LINGO2: variants seen among roughly 807,000 people sequenced by gnomAD.
LINGO2 encodes the protein leucine-rich repeat and immunoglobulin-like domain-containing nogo receptor-interacting protein 2.
In LINGO2, 14 loss-of-function variants were observed where a neutral mutation model predicts 30.6. The ratio of observed to expected loss-of-function variants is 0.46; its 90% CI spans 0.30 to 0.72. LINGO2 has a LOEUF of 0.72. Among genes scored for constraint, LINGO2 ranks in the 30% least tolerant of loss-of-function variants. The pLI, the probability that LINGO2 is intolerant of heterozygous loss-of-function variation, is 0.07. For synonymous variants in LINGO2, 317 were observed against 288.5 expected, an observed-to-expected ratio of 1.10 and a Z score of -1.00; for missense variants, 729 against 751.7, an observed-to-expected ratio of 0.97 and a Z score of 0.35.
At chr9:28,916,492 C>T in the LINGO2 span, among the ~76,000 whole-genome samples, 1 of 149,556 alleles carries the variant, frequency 6.7e-6, no homozygotes, top group African/African-American at 2.5e-5. Flanking sequence ...TTAGTCCAAA[C>T]ACTCCCTCCT....
At chr9:27,949,938 C>T (rs753748153) in exon 6 of LINGO2, 1 of 1,614,058 alleles carries the variant, frequency 6.2e-7, no homozygotes, top group South Asian at 1.1e-5. Flanking sequence ...ACCGTAGAGG[C>T]TATTGGCAGG....
Position 28,613,380 on chromosome 9 carries a change from G to A in LINGO2, c.-365+56820C>T, listed in dbSNP as rs186019019. Among the ~76,000 whole-genome samples, 521 of 148,516 alleles carry A rather than the reference G, an allele frequency of 3.5e-3. 1 individual carries two copies. The highest frequency in any genetic ancestry group is 0.012 in the African/African-American group (471 of 38,378). ...CAAATAGTAGAATATGTGTATATAC[G>A]TATGTGTGTGTGTGTGTATATAGCT... On this transcript the variant is annotated intron_variant, in intron 1 of 5. Transcript: ENST00000379992.
chr9:28,049,395 A>G (rs1319893491), intron 4 of LINGO2, among the ~76,000 whole-genome samples: 1 of 150,796 alleles, frequency 6.6e-6, no homozygotes, highest in East Asian at 2.0e-4. Flanking sequence ...AATTCAACAT[A>G]GCAGGTAATA....
the LINGO2 span, chr9:28,888,924 T>C: frequency 2.4e-4 from 126 of 533,706 alleles, 1 homozygote; most frequent in African/African-American, 2.7e-4. Flanking sequence ...TCATTTTCAA[T>C]AGGAGACTCA....
At chr9:29,195,345 TTGTG>T in the LINGO2 span, among the ~76,000 whole-genome samples, 9 of 150,286 alleles carry the variant, frequency 6.0e-5, no homozygotes, top group Non-Finnish European at 7.4e-5. Flanking sequence ...CACTTTAATA[TTGTG>T]TGTGTGTGTG....
the LINGO2 span, among the ~76,000 whole-genome samples, chr9:28,736,191 G>C: frequency 3.9e-5 from 6 of 152,140 alleles, no homozygotes; most frequent in Admixed American, 3.9e-4. Flanking sequence ...GCAAATTTGT[G>C]TTATAGCTTA....
chr9:28,450,075 G>A (rs1322311556), intron 2 of LINGO2, among the ~76,000 whole-genome samples: 1 of 151,912 alleles, frequency 6.6e-6, no homozygotes, highest in Non-Finnish European at 1.5e-5. Context: ...CAGTCTTGTG[G>A]ATTGAATTTC....
chr9:28,123,528 A>G (rs1827156624), intron 4 of LINGO2, among the ~76,000 whole-genome samples: 1 of 152,240 alleles, frequency 6.6e-6, no homozygotes, highest in Non-Finnish European at 1.5e-5. Flanking sequence ...ACTGGTGTAT[A>G]TAGTCCTCAT....
At chr9:28,243,373 T>C (rs1306917374) in intron 4 of LINGO2, among the ~76,000 whole-genome samples, 1 of 151,700 alleles carries the variant, frequency 6.6e-6, no homozygotes, top group Non-Finnish European at 1.5e-5. Flanking sequence ...GGCAGGATAA[T>C]TGCTTGAACC....
intron 4 of LINGO2, among the ~76,000 whole-genome samples, chr9:28,015,982 G>C (rs1822812702): frequency 1.1e-5 from 1 of 92,728 alleles, no homozygotes; most frequent in African/African-American, 4.4e-5. Flanking sequence ...CCGTTATGAA[G>C]GAAAAGTAAA....
chr9:28,686,213 C>T, the LINGO2 span, among the ~76,000 whole-genome samples: 13 of 152,104 alleles, frequency 8.5e-5, no homozygotes, highest in East Asian at 1.9e-4. Flanking sequence ...AGACATTCTA[C>T]GTACAATGTA....
At chr9:28,005,061 C>T (rs1215748557) in intron 5 of LINGO2, among the ~76,000 whole-genome samples, 1 of 152,186 alleles carries the variant, frequency 6.6e-6, no homozygotes, top group Non-Finnish European at 1.5e-5. Flanking sequence ...TTAGGCAGTA[C>T]ATCTGAAAGT....
chr9:28,277,913 G>C (rs1823184463), intron 4 of LINGO2, among the ~76,000 whole-genome samples: 1 of 151,740 alleles, frequency 6.6e-6, no homozygotes, highest in Non-Finnish European at 1.5e-5. Flanking sequence ...AGTCCAGACG[G>C]GCTGAAAGCT....
the LINGO2 span, among the ~76,000 whole-genome samples, chr9:28,747,949 G>A: frequency 2.0e-5 from 3 of 152,148 alleles, no homozygotes; most frequent in African/African-American, 7.2e-5. Context: ...GGGAGACAAC[G>A]AGTCAAAAAT....
At position 28,162,250 on chromosome 9, in the gene LINGO2, A is replaced by G. The variant is rs534745966; in HGVS notation, c.-87+132958T>C. On this transcript the variant is annotated intron_variant, in intron 4 of 5. Transcript: ENST00000379992. ...GAAGGACTCAGTCAGGGGCCATTTC[A>G]GTCACGAACTTGAATGATATTGTTT... Among the ~76,000 whole-genome samples, 7 of 152,324 alleles carry G rather than the reference A, an allele frequency of 4.6e-5. No homozygotes were observed. In the South Asian group the frequency reaches 1.2e-3, roughly 27 times the overall value.
intron 2 of LINGO2, among the ~76,000 whole-genome samples, chr9:28,444,755 C>T (rs1392393041): frequency 1.3e-5 from 2 of 152,194 alleles, no homozygotes; most frequent in African/African-American, 4.8e-5. Context: ...CCTGAAGCTG[C>T]CCACCCCACT....
At chr9:28,105,061 A>G (rs1826543347) in intron 4 of LINGO2, among the ~76,000 whole-genome samples, 1 of 152,136 alleles carries the variant, frequency 6.6e-6, no homozygotes, top group Non-Finnish European at 1.5e-5. Flanking sequence ...CCTGATTGCA[A>G]TTAGAGTTAG....
chr9:28,531,120 C>T (rs1212257074), intron 1 of LINGO2, among the ~76,000 whole-genome samples: 2 of 150,240 alleles, frequency 1.3e-5, no homozygotes, highest in African/African-American at 4.9e-5. Flanking sequence ...TCTGGCAACC[C>T]TAACAGTAAC....
the LINGO2 span, among the ~76,000 whole-genome samples, chr9:29,116,882 C>T: frequency 6.6e-6 from 1 of 152,050 alleles, no homozygotes; most frequent in East Asian, 1.9e-4. Context: ...ATCAATCCTA[C>T]TGAATATTTT....
Sources: allele counts gnomAD v4.1 joint callset (sites outside exome capture counted in the v4.1 genomes callset), GRCh38; gene constraint gnomAD v4.1.1; transcripts MANE v1.5; gene names NCBI Gene and HGNC (gene_info 2026-07-23, HGNC 2026-07-21).